CCSER1: variants seen among roughly 807,000 people sequenced by gnomAD.
CCSER1 encodes the protein serine-rich coiled-coil domain-containing protein 1.
In CCSER1, 41 loss-of-function variants were observed where a neutral mutation model predicts 82.0. The ratio of observed to expected loss-of-function variants is 0.50; its 90% CI spans 0.39 to 0.65. The LOEUF is 0.65. Ranked by LOEUF, CCSER1 falls within the 30% of genes least tolerant of loss-of-function variation. CCSER1 has a pLI of 0.00. For synonymous variants in CCSER1, 414 were observed against 383.9 expected, an observed-to-expected ratio of 1.08 and a Z score of -0.92; for missense variants, 1,119 against 1,064.2, an observed-to-expected ratio of 1.05 and a Z score of -0.72.
intron 7 of CCSER1, among the ~76,000 whole-genome samples, chr4:90,805,904 C>T (rs532327685): frequency 6.6e-6 from 1 of 152,188 alleles, no homozygotes; most frequent in South Asian, 2.1e-4. Flanking sequence ...ATTTCTAACT[C>T]AATAGATCAT....
intron 3 of CCSER1, among the ~76,000 whole-genome samples, chr4:90,362,420 A>G (rs2153519253): frequency 6.6e-6 from 1 of 152,310 alleles, no homozygotes; most frequent in South Asian, 2.1e-4. Context: ...ATATCACCAC[A>G]AATGTAAAAA....
intron 1 of CCSER1, among the ~76,000 whole-genome samples, chr4:90,300,095 C>G (rs1248864543): frequency 1.3e-5 from 2 of 151,922 alleles, no homozygotes; most frequent in Non-Finnish European, 2.9e-5. Flanking sequence ...CTTGCTGGGA[C>G]CAGATTTAAC....
intron 9 of CCSER1, among the ~76,000 whole-genome samples, chr4:90,942,796 G>A (rs1022449102): frequency 3.6e-4 from 54 of 150,862 alleles, no homozygotes; most frequent in Non-Finnish European, 2.2e-4. Context: ...TGCAGCAGGG[G>A]TAAAAAGATT....
intron 5 of CCSER1, among the ~76,000 whole-genome samples, chr4:90,481,542 C>T (rs1765964604): frequency 6.6e-6 from 1 of 152,114 alleles, no homozygotes; most frequent in Non-Finnish European, 1.5e-5. Flanking sequence ...GAGATATGTC[C>T]CATCAATACT....
At chr4:90,567,987 G>A (rs1052714241) in intron 5 of CCSER1, among the ~76,000 whole-genome samples, 2 of 152,062 alleles carry the variant, frequency 1.3e-5, no homozygotes, top group African/African-American at 4.8e-5. Flanking sequence ...TAATTTCCAT[G>A]TATTTGTGAA....
chr4:91,353,969 G>A (rs532927452), intron 10 of CCSER1, among the ~76,000 whole-genome samples: 7 of 152,242 alleles, frequency 4.6e-5, no homozygotes, highest in African/African-American at 1.4e-4. Context: ...CATCATCTAT[G>A]TGTAGGCAAC....
At chr4:90,204,654 T>C (rs960600759) in intron 1 of CCSER1, among the ~76,000 whole-genome samples, 1 of 152,216 alleles carries the variant, frequency 6.6e-6, no homozygotes, top group Admixed American at 6.5e-5. Context: ...TCTTTTTGCT[T>C]AGGATTGTCT....
At chr4:91,100,590 C>T (rs1464011249) in intron 10 of CCSER1, among the ~76,000 whole-genome samples, 2 of 152,110 alleles carry the variant, frequency 1.3e-5, no homozygotes, top group Non-Finnish European at 2.9e-5. Context: ...AAAAATTCTA[C>T]TTTGGAATCT....
At chr4:91,303,841 C>T (rs1390993152) in intron 10 of CCSER1, among the ~76,000 whole-genome samples, 1 of 151,854 alleles carries the variant, frequency 6.6e-6, no homozygotes, top group Admixed American at 6.6e-5. Context: ...CTAAAACTAA[C>T]TACCCAGGAT....
chr4:91,146,342 G>A (rs1014112808), intron 10 of CCSER1, among the ~76,000 whole-genome samples: 12 of 151,956 alleles, frequency 7.9e-5, no homozygotes, highest in African/African-American at 9.7e-5. Flanking sequence ...GCTTTCTTTC[G>A]ATTTCAGCGT....
intron 5 of CCSER1, among the ~76,000 whole-genome samples, chr4:90,533,438 T>A (rs1235696870): frequency 3.3e-5 from 5 of 152,302 alleles, no homozygotes; most frequent in Middle Eastern, 3.4e-3. Flanking sequence ...TCACTGTGCT[T>A]CCCATAATTC....
intron 3 of CCSER1, among the ~76,000 whole-genome samples, chr4:90,345,810 G>T (rs1412346578): frequency 2.0e-5 from 3 of 151,976 alleles, no homozygotes; most frequent in Non-Finnish European, 2.9e-5. Context: ...ATATTTTAGA[G>T]TAATTATTGT....
chr4:91,332,992 G>A (rs1288834299), intron 10 of CCSER1, among the ~76,000 whole-genome samples: 1 of 151,978 alleles, frequency 6.6e-6, no homozygotes, highest in Non-Finnish European at 1.5e-5. Context: ...TACTTGAGAT[G>A]AACAAACTTA....
chr4:90,292,331 T>C (rs1196107567), intron 1 of CCSER1, among the ~76,000 whole-genome samples: 4 of 151,982 alleles, frequency 2.6e-5, no homozygotes, highest in African/African-American at 9.7e-5. Context: ...GTATGTATAT[T>C]TGTATGTGTA....
chr4:90,654,052 T>C (rs1056317569), intron 6 of CCSER1, among the ~76,000 whole-genome samples: 3 of 152,076 alleles, frequency 2.0e-5, no homozygotes, highest in African/African-American at 4.8e-5. Flanking sequence ...ATTCACTCAT[T>C]ATCACAGGAA....
chr4:90,319,308 C>T (rs1736705624), intron 3 of CCSER1, among the ~76,000 whole-genome samples: 1 of 152,146 alleles, frequency 6.6e-6, no homozygotes, highest in African/African-American at 2.4e-5. Flanking sequence ...TTGGTATATA[C>T]ACCTTCACAC....
At chr4:91,295,587 T>C (rs1298162896) in intron 10 of CCSER1, among the ~76,000 whole-genome samples, 1 of 151,954 alleles carries the variant, frequency 6.6e-6, no homozygotes, top group Admixed American at 6.6e-5. Context: ...ACAAAGATCA[T>C]GAACAATTAT....
intron 5 of CCSER1, among the ~76,000 whole-genome samples, chr4:90,575,149 G>A (rs537273174): frequency 5.7e-4 from 87 of 152,080 alleles, no homozygotes; most frequent in Non-Finnish European, 1.2e-3. Context: ...TGATGTCCTC[G>A]ATGACTTAGT....
intron 10 of CCSER1, among the ~76,000 whole-genome samples, chr4:91,254,659 T>A (rs72877018): frequency 0.011 from 1,599 of 152,236 alleles, 17 homozygotes; most frequent in African/African-American, 0.036. Flanking sequence ...TTAATAGCAC[T>A]GAACTGCATA....
Sources: allele counts gnomAD v4.1 joint callset (sites outside exome capture counted in the v4.1 genomes callset), GRCh38; gene constraint gnomAD v4.1.1; transcripts MANE v1.5; gene names NCBI Gene and HGNC (gene_info 2026-07-23, HGNC 2026-07-21).